CDH23: variants seen among roughly 807,000 people sequenced by gnomAD.
CDH23 encodes the protein cadherin related 23, also known as cadherin-23.
CDH23 carries 189 observed loss-of-function variants against 317.1 expected under a neutral mutation model. The observed-to-expected ratio is 0.60, with a 90% CI of 0.53 to 0.67. CDH23 has a LOEUF of 0.67. Ranked by LOEUF, CDH23 falls within the 30% of genes least tolerant of loss-of-function variation. The probability of loss-of-function intolerance (pLI) is 0.00; values close to 1 mark genes in which losing one functional copy is unlikely to be tolerated. For synonymous variants in CDH23, 1,839 were observed against 1,876.8 expected, an observed-to-expected ratio of 0.98 and a Z score of 0.52; for missense variants, 4,401 against 4,592.4, an observed-to-expected ratio of 0.96 and a Z score of 1.20.
At position 71,693,326 on chromosome 10, in the gene CDH23, C is replaced by T. The variant is rs117672283; in HGVS notation, c.2177-821C>T. Among the ~76,000 whole-genome samples, 660 of 151,672 alleles carry T rather than the reference C, an allele frequency of 4.4e-3. 4 individuals carry two copies. Among genetic ancestry groups the T allele is most frequent in the African/African-American group, 0.01 (429 of 41,282 alleles). ...GCCAGTTGTCAAACATTTACCAGCA[C>T]GCCACTATCAGGGTGATGTTTGCAT... On this transcript the variant is annotated intron_variant, in intron 20 of 69. Transcript: ENST00000224721.
intron 14 of CDH23, chr10:71,647,039 T>A (rs1862928389): frequency 1.8e-5 from 18 of 985,350 alleles, no homozygotes; most frequent in Non-Finnish European, 2.0e-5. Context: ...CAGCTGCCCA[T>A]GGCTGGACTT....
intron 14 of CDH23, among the ~76,000 whole-genome samples, chr10:71,674,357 T>C (rs1864269717): frequency 6.6e-6 from 1 of 152,188 alleles, no homozygotes. Flanking sequence ...GGGATCAAAA[T>C]ACATTTTTAG....
At chr10:71,445,116 G>A (rs1460454765) in intron 2 of CDH23, among the ~76,000 whole-genome samples, 1 of 152,214 alleles carries the variant, frequency 6.6e-6, no homozygotes, top group African/African-American at 2.4e-5. Context: ...AGAGCAGCAC[G>A]TGGTTAACAG....
At chr10:71,702,870 A>C (rs1055323730) in intron 24 of CDH23, among the ~76,000 whole-genome samples, 176 bp downstream of exon 24, 1 of 152,160 alleles carries the variant, frequency 6.6e-6, no homozygotes, top group Non-Finnish European at 1.5e-5. Context: ...GGAGATGGGC[A>C]AAGGCAGAGG....
At chr10:71,665,803 T>C (rs945889300) in intron 14 of CDH23, among the ~76,000 whole-genome samples, 2 of 152,194 alleles carry the variant, frequency 1.3e-5, no homozygotes, top group African/African-American at 4.8e-5. Flanking sequence ...ACTTTGCACC[T>C]GGCCACAAAT....
chr10:71,415,100 A>C (rs572109701), intron 1 of CDH23, among the ~76,000 whole-genome samples: 1 of 151,498 alleles, frequency 6.6e-6, no homozygotes, highest in East Asian at 1.9e-4. Context: ...TTTCATTTTT[A>C]TTTCTTTATT....
At chr10:71,485,512 T>G in intron 3 of CDH23, among the ~76,000 whole-genome samples, 1 of 152,246 alleles carries the variant, frequency 6.6e-6, no homozygotes, top group East Asian at 1.9e-4. Flanking sequence ...GAGGAGGAGC[T>G]GAAAGCTCTT....
chr10:71,809,562 G>A (rs920308648), intron 60 of CDH23, among the ~76,000 whole-genome samples: 30 of 152,154 alleles, frequency 2.0e-4, no homozygotes, highest in African/African-American at 5.8e-4. Context: ...ATGGTCCTTC[G>A]CACCCTAGCA....
In CDH23 at chr10:71,690,491, G is replaced by A; in HGVS notation, c.2083G>A (p.Ala695Thr). ...AGGAGCCACGGTGCTGTTCCTGAAT[G>A]CCACAGACCTGGACCGCTCCCGGGA... The part of the protein sequence containing the change: ...MAGATVLFLN[A>T]TDLDRSREYG... Residue 695 changes from alanine (A) to threonine (T), a missense_variant, in exon 20 of 70, where the codon GCC (alanine) becomes ACC (threonine). By Grantham distance (58) the Ala-to-Thr change is moderately conservative (BLOSUM62 0). This residue lies in a region of CDH23 where 3,068 missense variants were observed against 3,203.3 expected (regional missense o/e 0.96). Transcript: ENST00000224721. 6.2e-7 allele frequency: 1 copy of A among 1,609,308 alleles called. No individual in the cohort carries two copies. The highest frequency in any genetic ancestry group is 8.5e-7 in the Non-Finnish European group (1 of 1,177,974).
At chr10:71,546,022 G>C (rs552353646) in intron 6 of CDH23, among the ~76,000 whole-genome samples, 1 of 152,254 alleles carries the variant, frequency 6.6e-6, no homozygotes, top group South Asian at 2.1e-4. Context: ...TGTGTAACCC[G>C]GCTGTCCAAG....
chr10:71,537,990 T>G (rs1255836251), intron 6 of CDH23, among the ~76,000 whole-genome samples: 1 of 152,184 alleles, frequency 6.6e-6, no homozygotes, highest in African/African-American at 2.4e-5. Context: ...AGAGTAAAGC[T>G]GTCGGTTTCC....
chr10:71,551,525 C>A lies in CDH23; in HGVS notation c.430-15217C>A, dbSNP rs116470977. 1.9e-3 allele frequency among the ~76,000 whole-genome samples: 290 copies of A among 152,264 alleles called. 1 individual carries two copies. Among genetic ancestry groups the A allele is most frequent in the African/African-American group, 6.8e-3 (282 of 41,568 alleles). On this transcript the variant is annotated intron_variant, in intron 6 of 69. Coordinates refer to ENST00000224721, the MANE Select transcript of CDH23 (RefSeq NM_022124.6). ...TCCACTTCAGTTACCCAGAAGATAC[C>A]TTCTTGAGGTTCTGGTAGGGAAGAG...
intron 1 of CDH23, among the ~76,000 whole-genome samples, chr10:71,430,928 G>C (rs1477794731): frequency 6.6e-6 from 1 of 152,204 alleles, no homozygotes; most frequent in Non-Finnish European, 1.5e-5. Context: ...GTACTGAAAT[G>C]GAACAGTCCT....
chr10:71,596,670 G>A (rs1204115215), intron 9 of CDH23, among the ~76,000 whole-genome samples: 1 of 152,230 alleles, frequency 6.6e-6, no homozygotes, highest in Non-Finnish European at 1.5e-5. Flanking sequence ...GGAGCTGAGG[G>A]TAGGGTTGCT....
At chr10:71,589,848 G>C (rs1189720091) in intron 9 of CDH23, among the ~76,000 whole-genome samples, 2 of 152,230 alleles carry the variant, frequency 1.3e-5, no homozygotes. Flanking sequence ...CCACTTCTTG[G>C]ATGTGTGGGA....
chr10:71,654,789 C>T (rs181640309), intron 14 of CDH23, among the ~76,000 whole-genome samples: 2 of 152,266 alleles, frequency 1.3e-5, no homozygotes, highest in Non-Finnish European at 2.9e-5. Context: ...CAGGCGCACC[C>T]CCAGGGAGGC....
intron 35 of CDH23, 109 bp from the exon 36 acceptor site, chr10:71,739,535 T>C (rs1375291676): frequency 7.2e-7 from 1 of 1,386,580 alleles, no homozygotes; most frequent in East Asian, 2.5e-5. Context: ...AAGCCCTTGC[T>C]CAACAGAGGG....
intron 28 of CDH23, chr10:71,714,633 G>A (rs2132765955): frequency 6.6e-6 from 1 of 152,358 alleles, no homozygotes; most frequent in East Asian, 1.9e-4. Context: ...ATTAATTGGA[G>A]CCAGCTCCCA....
In CDH23 at chr10:71,813,306, G is replaced by A. The variant is rs750183157; in HGVS notation, c.9696G>A (p.Arg3232=). The A allele has an allele frequency of 1.9e-5, 30 of 1,551,522 alleles. No homozygotes were observed. The South Asian group carries it at 3.4e-4, about 18-fold the overall frequency. ...GGCTCAAAAAGCTCTTTGCACAGCG[G>A]ATGGTGCAAAAAGCCTCCTCCTGCC... ...YLRLKKLFAQ[R]MVQKASSCHS... is the part of the protein sequence containing the mutation. Residue 3232 remains arginine (R), a synonymous_variant, in exon 69 of 70, where the codon CGG becomes CGA. Coordinates refer to ENST00000224721, the MANE Select transcript of CDH23 (RefSeq NM_022124.6).
Sources: allele counts gnomAD v4.1 joint callset (sites outside exome capture counted in the v4.1 genomes callset), GRCh38; gene constraint gnomAD v4.1.1; regional missense constraint gnomAD v4.1.1; transcripts MANE v1.5; gene names NCBI Gene and HGNC (gene_info 2026-07-23, HGNC 2026-07-21).